CCNY: variants seen among roughly 807,000 people sequenced by gnomAD.
CCNY encodes the protein cyclin-Y.
Under a neutral mutation model 42.8 loss-of-function variants are expected in CCNY, and 19 were observed. The observed-to-expected ratio is 0.44, with a 90% confidence interval of 0.31 to 0.65. The LOEUF (loss-of-function observed/expected upper bound fraction) is 0.65. Ranked by LOEUF, CCNY falls within the 30% of genes least tolerant of loss-of-function variation. The pLI is 0.07. For synonymous variants in CCNY, 165 were observed against 162.7 expected (o/e 1.01, Z -0.11); for missense variants, 370 against 437.3 (o/e 0.85, Z 1.37).
At position 35,496,340 on chromosome 10, in the gene CCNY, G is replaced by A. The variant is rs534917478; in HGVS notation, c.230-5161G>A. Among the ~76,000 whole-genome samples, 12 of 152,346 alleles carry A rather than the reference G, an allele frequency of 7.9e-5. No homozygotes were observed. The South Asian group carries it at 1.0e-3, about 13-fold the overall frequency. On this transcript the variant is annotated intron_variant, in intron 2 of 9. Coordinates refer to ENST00000374704, the MANE Select transcript of CCNY (RefSeq NM_145012.6). ...ACCAGTGATGTTCTTGTTGGAGGGC[G>A]GATGTATAGAGGAAGGGGTCCTACA...
chr10:35,430,992 C>A (rs1302995658), intron 1 of CCNY, among the ~76,000 whole-genome samples: 2 of 151,768 alleles, frequency 1.3e-5, no homozygotes, highest in African/African-American at 2.4e-5. Flanking sequence ...TGGTGTGCTG[C>A]TGTAGTCCCA....
chr10:35,401,050 G>C (rs956644042), intron 1 of CCNY, among the ~76,000 whole-genome samples: 5 of 152,246 alleles, frequency 3.3e-5, no homozygotes, highest in Non-Finnish European at 7.3e-5. Context: ...GCAGCACCTA[G>C]GGTGGAGGCC....
intron 2 of CCNY, among the ~76,000 whole-genome samples, chr10:35,492,814 A>G (rs1190810402): frequency 1.3e-5 from 2 of 152,018 alleles, no homozygotes; most frequent in Non-Finnish European, 2.9e-5. Flanking sequence ...ACCTTCTCCT[A>G]CCTTCCCTAG....
intron 3 of CCNY, among the ~76,000 whole-genome samples, chr10:35,292,851 T>A (rs1399026519): frequency 1.4e-5 from 2 of 146,580 alleles, no homozygotes; most frequent in Non-Finnish European, 1.5e-5. Flanking sequence ...GATGGAGCGA[T>A]CTTGGCTAAC....
intron 1 of CCNY, among the ~76,000 whole-genome samples, chr10:35,370,599 TG>T (rs1346683027): frequency 6.6e-6 from 1 of 152,092 alleles, no homozygotes; most frequent in Non-Finnish European, 1.5e-5. Flanking sequence ...TCTCTGGCTC[TG>T]TTTTTATTGT....
chr10:35,500,139 C>A (rs976243666), intron 2 of CCNY, among the ~76,000 whole-genome samples: 1 of 152,250 alleles, frequency 6.6e-6, no homozygotes, highest in Non-Finnish European at 1.5e-5. Context: ...AGTCTGGCCT[C>A]ATGCATGGCC....
At chr10:35,295,012 C>T (rs1446281000) in intron 3 of CCNY, among the ~76,000 whole-genome samples, 1 of 151,756 alleles carries the variant, frequency 6.6e-6, no homozygotes, top group Non-Finnish European at 1.5e-5. Context: ...AGCTATTTAA[C>T]TTTTAGCCAG....
intron 1 of CCNY, among the ~76,000 whole-genome samples, chr10:35,398,153 G>A (rs908050575): frequency 6.6e-6 from 1 of 152,194 alleles, no homozygotes; most frequent in Non-Finnish European, 1.5e-5. Flanking sequence ...CAGGAAGCCA[G>A]TGGGGGTCCC....
At chr10:35,317,676 C>T (rs890836953) in intron 3 of CCNY, among the ~76,000 whole-genome samples, 26 of 152,184 alleles carry the variant, frequency 1.7e-4, no homozygotes, top group African/African-American at 5.5e-4. Flanking sequence ...TAAATCCTGG[C>T]CAGCTGTCAC....
At chr10:35,497,554 A>G (rs193038674) in intron 2 of CCNY, among the ~76,000 whole-genome samples, 2 of 152,204 alleles carry the variant, frequency 1.3e-5, no homozygotes, top group Admixed American at 1.3e-4. Flanking sequence ...CCTGGCCAAC[A>G]TGGCAAAACC....
At chr10:35,407,790 G>T (rs190326512) in intron 1 of CCNY, among the ~76,000 whole-genome samples, 1 of 152,060 alleles carries the variant, frequency 6.6e-6, no homozygotes, top group Non-Finnish European at 1.5e-5. Context: ...CACGGAGAAG[G>T]GGGGTGGGGA....
At chr10:35,374,459 T>A (rs1837006959) in intron 1 of CCNY, among the ~76,000 whole-genome samples, 1 of 152,194 alleles carries the variant, frequency 6.6e-6, no homozygotes, top group Non-Finnish European at 1.5e-5. Flanking sequence ...GGGTTTTATC[T>A]CTCATCTTGT....
At chr10:35,384,314 A>T (rs1454752156) in intron 1 of CCNY, among the ~76,000 whole-genome samples, 1 of 152,176 alleles carries the variant, frequency 6.6e-6, no homozygotes, top group Admixed American at 6.5e-5. Context: ...GCTGAAGGGG[A>T]AAGAGGGTAG....
At chr10:35,265,675 G>A (rs1003993064) in intron 3 of CCNY, among the ~76,000 whole-genome samples, 8 of 152,352 alleles carry the variant, frequency 5.3e-5, no homozygotes, top group Non-Finnish European at 1.0e-4. Context: ...GCACACAGGC[G>A]TCCTGTCACT....
At chr10:35,321,009 G>C (rs2135095386) in intron 3 of CCNY, 1 of 151,566 alleles carries the variant, frequency 6.6e-6, no homozygotes, top group Non-Finnish European at 1.5e-5. Context: ...CCAGCTACTT[G>C]GGAGGCTGAG....
At chr10:35,332,718 C>G (rs1243326718), upstream of CCNY, among the ~76,000 whole-genome samples, 2 of 152,248 alleles carry the variant, frequency 1.3e-5, no homozygotes, top group Admixed American at 1.3e-4. Flanking sequence ...CATTCTCCTG[C>G]CTCAGCCTCC....
At chr10:35,301,764 G>C (rs1835536311) in intron 3 of CCNY, among the ~76,000 whole-genome samples, 1 of 151,906 alleles carries the variant, frequency 6.6e-6, no homozygotes, top group African/African-American at 2.4e-5. Flanking sequence ...TGAGTAGCTG[G>C]GACAGGTCTA....
At chr10:35,382,290 C>A (rs985359660) in intron 1 of CCNY, among the ~76,000 whole-genome samples, 2 of 152,188 alleles carry the variant, frequency 1.3e-5, no homozygotes. Context: ...TGATATTTGT[C>A]AAGCTTCAGG....
chr10:35,391,507 T>C (rs891146225), intron 1 of CCNY, among the ~76,000 whole-genome samples: 1 of 152,216 alleles, frequency 6.6e-6, no homozygotes, highest in Non-Finnish European at 1.5e-5. Flanking sequence ...GGTTGTTTAC[T>C]GAACCTAGAA....
Sources: allele counts gnomAD v4.1 joint callset (sites outside exome capture counted in the v4.1 genomes callset), GRCh38; gene constraint gnomAD v4.1.1; transcripts MANE v1.5; gene names NCBI Gene and HGNC (gene_info 2026-07-23, HGNC 2026-07-21).